The following TECRL variants were observed in gnomAD, a reference collection of about 807,000 sequenced individuals.
TECRL encodes trans-2,3-enoyl-CoA reductase-like.
TECRL carries 63 observed loss-of-function variants against 52.8 expected under a neutral mutation model. The ratio of observed to expected loss-of-function variants is 1.19; its 90% CI spans 0.97 to 1.47. The LOEUF is 1.47. Among genes scored for constraint, TECRL ranks in the 40% most tolerant of loss-of-function variants. The pLI, the probability that TECRL is intolerant of heterozygous loss-of-function variation, is 0.00. For synonymous variants in TECRL, 164 were observed against 141.9 expected (o/e 1.16, Z -1.10); for missense variants, 482 against 429.6 (o/e 1.12, Z -1.08).
chr4:64,297,364 T>C (rs1236122623), intron 8 of TECRL, among the ~76,000 whole-genome samples: 2 of 151,288 alleles, frequency 1.3e-5, no homozygotes, highest in South Asian at 4.2e-4. Context: ...AAATGAATAA[T>C]ACTTTCTTCA....
rs147406715 is a variant in TECRL, at chr4:64,386,248, G to C, written c.235-11025C>G. ...AAAGCATATAATATGTATTATATATGGTATTCTCAAAGTAAGCTAGAGAAA... is the reference window on the plus strand; with the variant it reads ...AAAGCATATAATATGTATTATATATCGTATTCTCAAAGTAAGCTAGAGAAA... On this transcript the variant is annotated intron_variant, in intron 1 of 11. Coordinates refer to ENST00000381210, the MANE Select transcript of TECRL (RefSeq NM_001010874.5). Among the ~76,000 whole-genome samples, 938 of 152,006 alleles carry C rather than the reference G, an allele frequency of 6.2e-3. 2 individuals are homozygous for C. The highest frequency in any genetic ancestry group is 0.021 in the African/African-American group (891 of 41,462).
intron 2 of TECRL, among the ~76,000 whole-genome samples, chr4:64,371,989 C>T (rs985983540): frequency 6.6e-6 from 1 of 151,820 alleles, no homozygotes; most frequent in Admixed American, 6.6e-5. Flanking sequence ...TTTAAAATAT[C>T]TTTAAAATGT....
chr4:64,323,094 GA>G (rs1421377096), intron 3 of TECRL, among the ~76,000 whole-genome samples: 2 of 151,872 alleles, frequency 1.3e-5, no homozygotes, highest in Non-Finnish European at 2.9e-5. Flanking sequence ...TAACATACAG[GA>G]ATTTTTTTAA....
At chr4:64,277,012 G>T, downstream of TECRL, 1 of 1,494,384 alleles carries the variant, frequency 6.7e-7, no homozygotes, top group Middle Eastern at 1.7e-4. Context: ...GTGTAAATTT[G>T]TCAGGCTTTT....
intron 2 of TECRL, among the ~76,000 whole-genome samples, chr4:64,368,043 G>C (rs1721724402): frequency 6.6e-6 from 1 of 151,978 alleles, no homozygotes; most frequent in South Asian, 2.1e-4. Context: ...CATATACTAT[G>C]AAAAAGCTGG....
intron 2 of TECRL, among the ~76,000 whole-genome samples, chr4:64,373,494 C>A (rs1043509892): frequency 1.3e-5 from 2 of 151,640 alleles, no homozygotes; most frequent in African/African-American, 4.8e-5. Flanking sequence ...AAATAGAAAA[C>A]GCGTTCCTTT....
chr4:64,338,117 AAAT>A (rs1719254657), intron 2 of TECRL, among the ~76,000 whole-genome samples: 1 of 152,194 alleles, frequency 6.6e-6, no homozygotes, highest in Non-Finnish European at 1.5e-5. Flanking sequence ...GAGCCCTCAG[AAAT>A]AATACCACAC....
At chr4:64,293,907 G>C (rs1369057449) in intron 8 of TECRL, among the ~76,000 whole-genome samples, 2 of 150,628 alleles carry the variant, frequency 1.3e-5, no homozygotes, top group Non-Finnish European at 3.0e-5. Context: ...TAATGTAACT[G>C]TTCTCACTTT....
In TECRL at chr4:64,279,963, T is replaced by A; in HGVS notation, c.*109A>T. The A allele has an allele frequency of 1.4e-6, 2 of 1,433,524 alleles. No homozygotes were observed. The highest frequency in any genetic ancestry group is 1.8e-6 in the Non-Finnish European group (2 of 1,090,366). The allele number at this position is 1,433,524 out of a possible 1,614,324, so 88.8% of individuals were successfully genotyped here. A position where few individuals can be genotyped will look rare whatever the true frequency, so the allele number is the denominator to read the frequency against. On this transcript the variant is annotated 3_prime_UTR_variant, in exon 12 of 12. Coordinates refer to ENST00000381210, the MANE Select transcript of TECRL (RefSeq NM_001010874.5). ...CTATTTTATATTTTTACTCAGTGTA[T>A]ATACTGTTGCTCATGAATTGTTGGA...
At chr4:64,355,955 C>A (rs550179887) in intron 2 of TECRL, among the ~76,000 whole-genome samples, 1 of 152,142 alleles carries the variant, frequency 6.6e-6, no homozygotes, top group East Asian at 1.9e-4. Context: ...CCATTTTGAC[C>A]TGTACCCTGA....
chr4:64,302,412 C>A, intron 7 of TECRL, among the ~76,000 whole-genome samples: 1 of 151,018 alleles, frequency 6.6e-6, no homozygotes, highest in Non-Finnish European at 1.5e-5. Context: ...GCAGTGTCAA[C>A]TATGACGAAA....
chr4:64,398,600 C>A (rs928882726), intron 1 of TECRL, among the ~76,000 whole-genome samples: 33 of 152,132 alleles, frequency 2.2e-4, no homozygotes, highest in African/African-American at 6.0e-4. Context: ...TCCTGTACGG[C>A]CCACAGAACT....
chr4:64,389,948 T>G (rs1194648332), intron 1 of TECRL, among the ~76,000 whole-genome samples: 2 of 151,884 alleles, frequency 1.3e-5, no homozygotes, highest in African/African-American at 4.8e-5. Context: ...CAATGGAATA[T>G]GAACAGAAGA....
At chr4:64,346,276 G>A (rs558710341) in intron 2 of TECRL, among the ~76,000 whole-genome samples, 2 of 152,302 alleles carry the variant, frequency 1.3e-5, no homozygotes, top group East Asian at 3.9e-4. Flanking sequence ...GGAGGATGGT[G>A]GCTGTTTTCT....
chr4:64,368,861 TA>T (rs1314949749), intron 2 of TECRL, among the ~76,000 whole-genome samples: 1 of 152,146 alleles, frequency 6.6e-6, no homozygotes, highest in East Asian at 1.9e-4. Context: ...CTGAGTTAGT[TA>T]CTATCCTTGA....
intron 2 of TECRL, among the ~76,000 whole-genome samples, chr4:64,361,821 A>C (rs1336305588): frequency 6.6e-6 from 1 of 152,136 alleles, no homozygotes; most frequent in Non-Finnish European, 1.5e-5. Flanking sequence ...TCATACCTCC[A>C]AAAACCTGCA....
At chr4:64,382,264 T>C (rs1458478463) in intron 1 of TECRL, among the ~76,000 whole-genome samples, 1 of 143,640 alleles carries the variant, frequency 7.0e-6, no homozygotes, top group Non-Finnish European at 1.5e-5. Context: ...ATATATTATG[T>C]TATATATTAT....
At chr4:64,393,373 G>T (rs183972248) in intron 1 of TECRL, among the ~76,000 whole-genome samples, 6 of 152,048 alleles carry the variant, frequency 3.9e-5, no homozygotes, top group African/African-American at 1.2e-4. Flanking sequence ...CAAAGGGGGG[G>T]AACATGAATT....
At chr4:64,374,052 C>CATATATATATATAGTAGATACAT (rs1553919039) in intron 2 of TECRL, among the ~76,000 whole-genome samples, 10 of 106,012 alleles carry the variant, frequency 9.4e-5, no homozygotes, top group African/African-American at 1.3e-4. Flanking sequence ...ATAGTAGATA[C>CATATATATATATAGTAGATACAT]ATATATATAT....
Sources: gnomAD v4.1 joint callset for allele counts (sites outside exome capture counted in the v4.1 genomes callset) on GRCh38, gnomAD v4.1.1 for gene constraint, MANE v1.5 for transcripts, NCBI Gene and HGNC (gene_info 2026-07-23, HGNC 2026-07-21) for gene names.